CACNA2D3: variants seen among roughly 807,000 people sequenced by gnomAD.
CACNA2D3 encodes the protein calcium voltage-gated channel auxiliary subunit alpha2delta 3, also known as voltage-dependent calcium channel subunit alpha-2/delta-3.
In CACNA2D3, 60 loss-of-function variants were observed where a neutral mutation model predicts 160.6. That is an observed-to-expected ratio of 0.37 (90% CI 0.30 to 0.46). The LOEUF (loss-of-function observed/expected upper bound fraction) is 0.46. CACNA2D3 is among the 20% of genes least tolerant of loss of function. CACNA2D3 has a pLI of 1.00. For missense variants in CACNA2D3, 1,205 were observed against 1,365.0 expected, an observed-to-expected ratio of 0.88 and a Z score of 1.85; for synonymous variants, 558 against 492.9, an observed-to-expected ratio of 1.13 and a Z score of -1.75.
chr3:54,695,003 C>T (rs936011831), intron 11 of CACNA2D3, among the ~76,000 whole-genome samples: 4 of 151,966 alleles, frequency 2.6e-5, no homozygotes, highest in Admixed American at 6.6e-5. Context: ...ATGTCATTAC[C>T]ACTTTGTCAT....
At chr3:54,360,425 A>G (rs1384454063) in intron 3 of CACNA2D3, among the ~76,000 whole-genome samples, 1 of 152,230 alleles carries the variant, frequency 6.6e-6, no homozygotes, top group Non-Finnish European at 1.5e-5. Context: ...GGGATTGTCA[A>G]TCTGCCTTTT....
chr3:54,748,570 CT>C (rs565685433), intron 11 of CACNA2D3, among the ~76,000 whole-genome samples: 2,769 of 145,424 alleles, frequency 0.019, 75 homozygotes, highest in African/African-American at 0.061. Flanking sequence ...CTGATGCAGA[CT>C]TTTTTTTTTT....
At chr3:54,265,520 A>ATTCTGCACAC in intron 2 of CACNA2D3, among the ~76,000 whole-genome samples, 1 of 149,236 alleles carries the variant, frequency 6.7e-6, no homozygotes, top group East Asian at 2.0e-4. Context: ...TGTATCCCAG[A>ATTCTGCACAC]ACTTAAAGTA....
At chr3:54,739,425 C>CAAA (rs780105524) in intron 11 of CACNA2D3, among the ~76,000 whole-genome samples, 3 of 85,304 alleles carry the variant, frequency 3.5e-5, no homozygotes, top group African/African-American at 9.8e-5. Flanking sequence ...GACTCTGTCT[C>CAAA]AAAAAAAAAA....
At chr3:55,045,414 AAC>A (rs1184336037) in intron 35 of CACNA2D3, among the ~76,000 whole-genome samples, 1 of 152,162 alleles carries the variant, frequency 6.6e-6, no homozygotes, top group Non-Finnish European at 1.5e-5. Flanking sequence ...GCCTTATAAA[AAC>A]ACTTGTGAAG....
At chr3:54,854,050 C>A (rs1699116227) in intron 17 of CACNA2D3, among the ~76,000 whole-genome samples, 2 of 152,198 alleles carry the variant, frequency 1.3e-5, no homozygotes, top group Admixed American at 1.3e-4. Flanking sequence ...AGAGCCAGCC[C>A]CTGCCAGTGC....
chr3:54,209,074 A>T (rs1701324140), intron 2 of CACNA2D3, among the ~76,000 whole-genome samples: 1 of 152,174 alleles, frequency 6.6e-6, no homozygotes. Context: ...TTTGTCTCCC[A>T]CGGGGTCCCT....
intron 2 of CACNA2D3, among the ~76,000 whole-genome samples, chr3:54,224,539 G>A (rs542660134): frequency 6.6e-6 from 1 of 152,220 alleles, no homozygotes; most frequent in Non-Finnish European, 1.5e-5. Context: ...GAATATTCCA[G>A]CTCCATTATA....
chr3:54,542,850 C>T (rs1195104794), intron 5 of CACNA2D3, among the ~76,000 whole-genome samples: 1 of 152,034 alleles, frequency 6.6e-6, no homozygotes, highest in African/African-American at 2.4e-5. Flanking sequence ...CAAGTTGACA[C>T]TCAATATTAA....
chr3:54,412,610 C>CTTTTTTTTTTTTTTTTTTTTTT, intron 4 of CACNA2D3, among the ~76,000 whole-genome samples: 1 of 120,606 alleles, frequency 8.3e-6, no homozygotes, highest in African/African-American at 3.0e-5. Context: ...TGGTCTTGTT[C>CTTTTTTTTTTTTTTTTTTTTTT]TTTTTTTTTT....
chr3:54,999,586 G>A (rs1275250723), intron 31 of CACNA2D3, among the ~76,000 whole-genome samples: 1 of 152,164 alleles, frequency 6.6e-6, no homozygotes, highest in East Asian at 1.9e-4. Flanking sequence ...TTTCAAGATT[G>A]TTTTTAGGCC....
At chr3:54,386,676 T>C (rs985877365) in intron 3 of CACNA2D3, 39 bp from the exon 4 acceptor site, 1 of 1,520,990 alleles carries the variant, frequency 6.6e-7, no homozygotes, top group African/African-American at 1.4e-5. Flanking sequence ...ACAATTCTGA[T>C]CCTTAATGCT....
intron 4 of CACNA2D3, among the ~76,000 whole-genome samples, chr3:54,463,732 C>A (rs141034611): frequency 6.6e-6 from 1 of 152,132 alleles, no homozygotes; most frequent in Non-Finnish European, 1.5e-5. Flanking sequence ...TCCTGTAGCT[C>A]GGAGTAGTTT....
At position 54,503,603 on chromosome 3, in the gene CACNA2D3, G is replaced by A; in HGVS notation, c.493G>A (p.Val165Met). The change falls in exon 5 of 38, where the codon GTG becomes ATG. Residue 165 changes from valine to methionine, a missense_variant. By Grantham distance (21) the Val-to-Met change is conservative. This residue lies in a region of CACNA2D3 where 131 missense variants were observed against 201.5 expected (regional missense o/e 0.65). Coordinates refer to ENST00000474759, the MANE Select transcript of CACNA2D3 (RefSeq NM_018398.3). ...APNDHFNNLP[V>M]NISLSDVQVP... is the part of the protein sequence containing the mutation. ...AAATGACCATTTTAATAATTTGCCT[G>A]TGAACATCAGTCTAAGTGACGTCCA... is the stretch of plus-strand genomic sequence containing the variant. 1 of 1,613,828 alleles carries A rather than the reference G, an allele frequency of 6.2e-7. No homozygotes were observed. The highest frequency in any genetic ancestry group is 1.3e-5 in the African/African-American group (1 of 75,048).
chr3:55,023,751 T>G (rs1469084600), intron 35 of CACNA2D3, among the ~76,000 whole-genome samples: 1 of 152,058 alleles, frequency 6.6e-6, no homozygotes, highest in Non-Finnish European at 1.5e-5. Flanking sequence ...GTTATGTAAG[T>G]TTTTTGTATT....
intron 13 of CACNA2D3, among the ~76,000 whole-genome samples, chr3:54,787,255 G>A (rs1039563415): frequency 1.3e-5 from 2 of 152,072 alleles, no homozygotes; most frequent in Non-Finnish European, 2.9e-5. Flanking sequence ...TGATTCTGTT[G>A]GTGTAAACCA....
At chr3:54,420,304 C>T (rs1424698044) in intron 4 of CACNA2D3, among the ~76,000 whole-genome samples, 2 of 151,354 alleles carry the variant, frequency 1.3e-5, no homozygotes, top group Non-Finnish European at 1.5e-5. Flanking sequence ...AGGATGGTCC[C>T]GATCTCTTTA....
At chr3:54,549,986 C>G (rs1702130377) in intron 5 of CACNA2D3, among the ~76,000 whole-genome samples, 1 of 152,162 alleles carries the variant, frequency 6.6e-6, no homozygotes, top group East Asian at 1.9e-4. Flanking sequence ...TCGGTTCTTG[C>G]TAAATGATGA....
intron 2 of CACNA2D3, among the ~76,000 whole-genome samples, chr3:54,245,991 A>G (rs1233622929): frequency 1.3e-5 from 2 of 152,206 alleles, no homozygotes; most frequent in African/African-American, 2.4e-5. Context: ...GCATATCTAC[A>G]TTTTGAGAGC....
Sources: allele counts gnomAD v4.1 joint callset (sites outside exome capture counted in the v4.1 genomes callset), GRCh38; gene constraint gnomAD v4.1.1; regional missense constraint gnomAD v4.1.1; transcripts MANE v1.5; gene names NCBI Gene and HGNC (gene_info 2026-07-23, HGNC 2026-07-21).